Variants in CDKAL1 observed in about 807,000 individuals in gnomAD.
The protein encoded by CDKAL1 is threonylcarbamoyladenosine tRNA methylthiotransferase.
CDKAL1 carries 32 observed loss-of-function variants against 68.2 expected under a neutral mutation model. That is an observed-to-expected ratio of 0.47 (90% confidence interval 0.35 to 0.63). The LOEUF is 0.63. CDKAL1 is among the 30% of genes least tolerant of loss of function. The pLI, the probability that CDKAL1 is intolerant of heterozygous loss-of-function variation, is 0.00. For synonymous variants in CDKAL1, 234 were observed against 244.3 expected, an observed-to-expected ratio of 0.96 and a Z score of 0.39; for missense variants, 606 against 696.7, an observed-to-expected ratio of 0.87 and a Z score of 1.47.
chr6:20,614,723 G>A (rs1406646690), intron 4 of CDKAL1, among the ~76,000 whole-genome samples: 1 of 152,128 alleles, frequency 6.6e-6, no homozygotes, highest in Non-Finnish European at 1.5e-5. Flanking sequence ...TTGCCTCTTA[G>A]TAGTTCTGCG....
At chr6:21,030,343 CG>C (rs1001351276) in intron 11 of CDKAL1, among the ~76,000 whole-genome samples, 6 of 152,002 alleles carry the variant, frequency 3.9e-5, no homozygotes, top group Non-Finnish European at 8.8e-5. Flanking sequence ...AGGTAGTGAG[CG>C]GAGGGAGAGC....
chr6:20,542,515 G>T (rs1345986577), intron 2 of CDKAL1, among the ~76,000 whole-genome samples: 1 of 152,164 alleles, frequency 6.6e-6, no homozygotes, highest in Admixed American at 6.5e-5. Context: ...TAAAGGACTT[G>T]CCTTGTGTCT....
At chr6:20,988,632 GT>G (rs1231711363) in intron 10 of CDKAL1, among the ~76,000 whole-genome samples, 2 of 151,598 alleles carry the variant, frequency 1.3e-5, no homozygotes, top group Non-Finnish European at 2.9e-5. Context: ...AGAATCACTG[GT>G]TTTTTTGTTT....
intron 10 of CDKAL1, among the ~76,000 whole-genome samples, chr6:20,984,004 T>C (rs1266230299): frequency 6.6e-6 from 1 of 152,208 alleles, no homozygotes; most frequent in Non-Finnish European, 1.5e-5. Flanking sequence ...TTATATTCCA[T>C]TGCCACCATT....
At chr6:20,818,481 C>G (rs1414257687) in intron 8 of CDKAL1, among the ~76,000 whole-genome samples, 1 of 152,008 alleles carries the variant, frequency 6.6e-6, no homozygotes, top group Non-Finnish European at 1.5e-5. Context: ...ACTTTTCTGT[C>G]TCCTATAATT....
intron 11 of CDKAL1, among the ~76,000 whole-genome samples, chr6:21,062,108 A>T (rs1333101539): frequency 6.6e-6 from 1 of 152,200 alleles, no homozygotes; most frequent in Non-Finnish European, 1.5e-5. Flanking sequence ...TTCAACCATA[A>T]TGTATCAAGA....
chr6:20,754,102 C>T (rs1379599639), intron 6 of CDKAL1, among the ~76,000 whole-genome samples: 2 of 152,106 alleles, frequency 1.3e-5, no homozygotes, highest in East Asian at 3.9e-4. Context: ...CCCTTAGCCT[C>T]TCAAGTATTT....
intron 13 of CDKAL1, among the ~76,000 whole-genome samples, chr6:21,122,619 A>ATTTT (rs869179738): frequency 7.1e-4 from 86 of 121,358 alleles, no homozygotes; most frequent in East Asian, 1.1e-3. Context: ...TTGTTACTGT[A>ATTTT]TTTTATTTAT....
intron 4 of CDKAL1, among the ~76,000 whole-genome samples, chr6:20,569,778 A>T (rs1165733453): frequency 6.6e-6 from 1 of 152,272 alleles, no homozygotes; most frequent in East Asian, 1.9e-4. Context: ...AATCAGTAGA[A>T]TTTTTTTCCT....
intron 10 of CDKAL1, among the ~76,000 whole-genome samples, chr6:20,963,321 A>C (rs1765146866): frequency 6.6e-6 from 1 of 151,728 alleles, no homozygotes; most frequent in East Asian, 1.9e-4. Flanking sequence ...AAAAAAAAAA[A>C]GACTTGCATC....
intron 8 of CDKAL1, among the ~76,000 whole-genome samples, chr6:20,829,395 G>C (rs1318616457): frequency 6.6e-6 from 1 of 152,140 alleles, no homozygotes; most frequent in Non-Finnish European, 1.5e-5. Context: ...GTGAACTACT[G>C]TTCTAGTATT....
chr6:20,895,783 A>G (rs750948178), intron 9 of CDKAL1, among the ~76,000 whole-genome samples: 4 of 152,196 alleles, frequency 2.6e-5, no homozygotes, highest in Non-Finnish European at 4.4e-5. Context: ...TTCTGCAAGC[A>G]CTACCATACC....
chr6:20,729,669 G>A (rs1430267197), intron 5 of CDKAL1, among the ~76,000 whole-genome samples: 6 of 152,162 alleles, frequency 3.9e-5, no homozygotes, highest in African/African-American at 9.7e-5. Context: ...AGGTAAAGAC[G>A]CTGAAGCAGA....
At chr6:20,599,500 C>T (rs1765990334) in intron 4 of CDKAL1, 1 of 339,082 alleles carries the variant, frequency 2.9e-6, no homozygotes, top group Non-Finnish European at 5.9e-6. Flanking sequence ...ACACTGGGTG[C>T]TTTATGCAAA....
rs150873611 is a variant in CDKAL1 at position 20,890,279 on chromosome 6, T to A, written c.742+44101T>A. On this transcript the variant is annotated intron_variant, in intron 9 of 15. Transcript: ENST00000274695. ...GCTGTAAGCTACATCTTGATGTTTC[T>A]TATTGCTTAATTATCAAGTTGTAGA... Among the ~76,000 whole-genome samples the A allele has an allele frequency of 3.1e-3, 473 of 152,350 alleles. 2 individuals carry two copies. Among genetic ancestry groups the A allele is most frequent in the African/African-American group, 8.7e-3 (362 of 41,576 alleles).
At chr6:20,691,300 C>T (rs1185472802) in intron 5 of CDKAL1, among the ~76,000 whole-genome samples, 1 of 103,044 alleles carries the variant, frequency 9.7e-6, no homozygotes, top group Non-Finnish European at 2.2e-5. Context: ...AGACCCTGAG[C>T]AGCGACTGCT....
chr6:20,561,130 CTG>C (rs1463190274), intron 4 of CDKAL1, among the ~76,000 whole-genome samples: 2 of 152,104 alleles, frequency 1.3e-5, no homozygotes, highest in Non-Finnish European at 2.9e-5. Context: ...GTCAGAGACA[CTG>C]TTGCTTAGTT....
At chr6:21,188,810 A>C (rs1404178303) in intron 13 of CDKAL1, among the ~76,000 whole-genome samples, 1 of 151,726 alleles carries the variant, frequency 6.6e-6, no homozygotes, top group African/African-American at 2.4e-5. Flanking sequence ...TGTTCTTACC[A>C]CAATTTTTTT....
intron 4 of CDKAL1, 109 bp downstream of exon 4, chr6:20,548,814 G>A (rs1369940889): frequency 5.3e-6 from 3 of 564,660 alleles, no homozygotes; most frequent in Non-Finnish European, 9.4e-6. Context: ...TGATTTTAAG[G>A]TGAAACAGAT....
Sources: allele counts gnomAD v4.1 joint callset (sites outside exome capture counted in the v4.1 genomes callset), GRCh38; gene constraint gnomAD v4.1.1; transcripts MANE v1.5; gene names NCBI Gene and HGNC (gene_info 2026-07-23, HGNC 2026-07-21).